The following CACNG2 variants were observed in gnomAD, a reference collection of about 807,000 sequenced individuals.
CACNG2 encodes calcium voltage-gated channel auxiliary subunit gamma 2.
A neutral mutation model predicts 25.9 loss-of-function variants in CACNG2; 3 were observed. The ratio of observed to expected loss-of-function variants is 0.12; its 90% CI spans 0.05 to 0.30. The LOEUF is 0.30. Among genes scored for constraint, CACNG2 ranks in the 10% least tolerant of loss-of-function variants. The probability of loss-of-function intolerance (pLI) is 1.00; values close to 1 mark genes in which losing one functional copy is unlikely to be tolerated. For missense variants in CACNG2, 341 were observed against 432.5 expected, an observed-to-expected ratio of 0.79 and a Z score of 1.88; for synonymous variants, 167 against 173.3, an observed-to-expected ratio of 0.96 and a Z score of 0.29.
rs1935031259 is a variant in CACNG2, at chr22:36,561,685, AG to A, written c.*2665del. 6.6e-6 allele frequency: 1 copy of A among 152,584 alleles called. No homozygotes were observed. Among genetic ancestry groups the A allele is most frequent in the Non-Finnish European group, 1.5e-5 (1 of 68,236 alleles). The allele number at this position is 152,584 out of a possible 1,614,324, so 9.5% of individuals were successfully genotyped here. A position where few individuals can be genotyped will look rare whatever the true frequency, so the allele number is the denominator to read the frequency against. On this transcript the variant is annotated 3_prime_UTR_variant, in exon 4 of 4. Coordinates refer to ENST00000300105, the MANE Select transcript of CACNG2 (RefSeq NM_006078.5). ...CCGGGGGAGACTCGCAGGCAGAGGC[AG>A]GGGGGCCTCACCTTGACCTTCAGTC...
Position 36,686,716 on chromosome 22 carries a change from G to C in CACNG2, c.211+15650C>G, listed in dbSNP as rs187811423. On this transcript the variant is annotated intron_variant, in intron 1 of 3. Coordinates refer to ENST00000300105, the MANE Select transcript of CACNG2 (RefSeq NM_006078.5). ...ACACTACTTGCTGCCTGGGACCCGG[G>C]CACAGGGGTTCTAGTCCCTGCACTG... 3.3e-5 allele frequency among the ~76,000 whole-genome samples: 5 copies of C among 152,342 alleles called. No homozygotes were observed. In the South Asian group the frequency reaches 8.3e-4, roughly 25 times the overall value.
At chr22:36,614,617 C>A (rs1445721251) in intron 1 of CACNG2, among the ~76,000 whole-genome samples, 1 of 152,188 alleles carries the variant, frequency 6.6e-6, no homozygotes, top group Non-Finnish European at 1.5e-5. Context: ...CCGATGCACC[C>A]AAGCACCATC....
chr22:36,667,977 C>T (rs115185826), intron 1 of CACNG2, among the ~76,000 whole-genome samples: 2,199 of 152,346 alleles, frequency 0.014, 46 homozygotes, highest in African/African-American at 0.05. Context: ...ACACCCTGCT[C>T]TTGCCTCATG....
intron 1 of CACNG2, among the ~76,000 whole-genome samples, chr22:36,624,925 G>A (rs1603501959): frequency 6.7e-6 from 1 of 148,868 alleles, no homozygotes; most frequent in Non-Finnish European, 1.5e-5. Flanking sequence ...CTACTTGGGA[G>A]GCTGAGGTAG....
intron 1 of CACNG2, among the ~76,000 whole-genome samples, chr22:36,696,361 T>A (rs1353843100): frequency 6.6e-6 from 1 of 152,300 alleles, no homozygotes; most frequent in East Asian, 1.9e-4. Context: ...CCCTCTTTTC[T>A]CTCACTCCTT....
chr22:36,669,188 G>C (rs1210835009), intron 1 of CACNG2, among the ~76,000 whole-genome samples: 1 of 152,034 alleles, frequency 6.6e-6, no homozygotes, highest in East Asian at 1.9e-4. Flanking sequence ...GGCATGTCTT[G>C]TGTCTAGACT....
At chr22:36,589,029 C>CA (rs1466589776) in intron 1 of CACNG2, among the ~76,000 whole-genome samples, 3 of 145,594 alleles carry the variant, frequency 2.1e-5, no homozygotes, top group Non-Finnish European at 4.5e-5. Flanking sequence ...CTCACTCTGT[C>CA]ACCCAGGCTT....
In CACNG2 at chr22:36,658,508, A is replaced by G. The variant is rs116597723; in HGVS notation, c.211+43858T>C. Among the ~76,000 whole-genome samples the G allele has an allele frequency of 7.3e-3, 1,115 of 152,310 alleles. 13 individuals are homozygous for G. Among genetic ancestry groups the G allele is most frequent in the African/African-American group, 0.026 (1,074 of 41,558 alleles). ...GGTTATTACTTCTCCCATTTTCTAG[A>G]TAAGGATAATACAGCTCAGAAGCTA... On this transcript the variant is annotated intron_variant, in intron 1 of 3. Coordinates refer to ENST00000300105, the MANE Select transcript of CACNG2 (RefSeq NM_006078.5).
At chr22:36,699,752 C>G (rs918462809) in intron 1 of CACNG2, among the ~76,000 whole-genome samples, 4 of 152,168 alleles carry the variant, frequency 2.6e-5, no homozygotes, top group African/African-American at 7.2e-5. Flanking sequence ...TAGAGAGCGA[C>G]CCCATTCTGA....
intron 1 of CACNG2, among the ~76,000 whole-genome samples, chr22:36,647,786 A>G (rs1366022143): frequency 6.6e-6 from 1 of 152,090 alleles, no homozygotes; most frequent in African/African-American, 2.4e-5. Flanking sequence ...CTCTCTCTCC[A>G]GGCTAGTTAA....
intron 1 of CACNG2, among the ~76,000 whole-genome samples, chr22:36,658,350 C>T (rs9622448): frequency 0.1 from 15,610 of 152,172 alleles, 2,651 homozygotes; most frequent in African/African-American, 0.36. Flanking sequence ...GTCCTCCTCT[C>T]GCCAATAAGG....
chr22:36,658,667 C>T (rs1874431605), intron 1 of CACNG2, among the ~76,000 whole-genome samples: 1 of 152,180 alleles, frequency 6.6e-6, no homozygotes, highest in South Asian at 2.1e-4. Flanking sequence ...GTGCTGGGTA[C>T]ACTGCAGGGA....
intron 1 of CACNG2, among the ~76,000 whole-genome samples, chr22:36,681,025 A>G (rs1937115192): frequency 6.6e-6 from 1 of 152,170 alleles, no homozygotes; most frequent in African/African-American, 2.4e-5. Flanking sequence ...TGAAAAACAG[A>G]AAAATTATTC....
intron 1 of CACNG2, among the ~76,000 whole-genome samples, chr22:36,593,575 A>G (rs1404237257): frequency 6.6e-6 from 1 of 152,066 alleles, no homozygotes. Flanking sequence ...TAGAGCAAGG[A>G]CAGAATGGGG....
At chr22:36,629,532 ATG>A (rs1192562180) in intron 1 of CACNG2, among the ~76,000 whole-genome samples, 1 of 151,562 alleles carries the variant, frequency 6.6e-6, no homozygotes, top group Non-Finnish European at 1.5e-5. Context: ...GTTCGTGTGT[ATG>A]TGTGTGTGTG....
At chr22:36,678,096 G>A (rs1937041217) in intron 1 of CACNG2, among the ~76,000 whole-genome samples, 1 of 152,174 alleles carries the variant, frequency 6.6e-6, no homozygotes, top group Admixed American at 6.5e-5. Context: ...GAATCTGGTG[G>A]TATGCTGAAA....
chr22:36,691,102 A>C (rs190920790), intron 1 of CACNG2, among the ~76,000 whole-genome samples: 1 of 152,342 alleles, frequency 6.6e-6, no homozygotes, highest in East Asian at 1.9e-4. Flanking sequence ...ATTTTGTTGA[A>C]GAAATAGATG....
chr22:36,607,370 C>T (rs1935855557), intron 1 of CACNG2, among the ~76,000 whole-genome samples: 1 of 152,180 alleles, frequency 6.6e-6, no homozygotes, highest in South Asian at 2.1e-4. Context: ...ATCCTCCCAT[C>T]TCAGCCTCCT....
In CACNG2 at chr22:36,606,752, C is replaced by CTG. The variant is rs1320073627; in HGVS notation, c.212-19206_212-19205dup. On this transcript the variant is annotated intron_variant, in intron 1 of 3. Transcript: ENST00000300105. The surrounding 1 kb of genome is among the most constrained non-coding windows in gnomAD (Gnocchi z 5.7). ...AGAGGACGGAAACCAGACGGTTGGG[C>CTG]TGTGCGTGTGTGTGTGTGTGTGTGT... Among the ~76,000 whole-genome samples the CTG allele has an allele frequency of 3.1e-5, 4 of 130,428 alleles. No homozygotes were observed. The highest frequency in any genetic ancestry group is 5.1e-5 in the Non-Finnish European group (3 of 58,834). 85.6% of individuals were successfully genotyped at this position (130,428 alleles called of 152,430 possible). A position where few individuals can be genotyped will look rare whatever the true frequency, so the allele number is the denominator to read the frequency against.
Sources: gnomAD v4.1 joint callset for allele counts (sites outside exome capture counted in the v4.1 genomes callset) on GRCh38, gnomAD v4.1.1 for gene constraint, Gnocchi (gnomAD v3.1) non-coding constraint, MANE v1.5 for transcripts, NCBI Gene and HGNC (gene_info 2026-07-23, HGNC 2026-07-21) for gene names.